Variants in RIMS2 observed in about 807,000 individuals in gnomAD.
RIMS2 encodes regulating synaptic membrane exocytosis 2.
RIMS2 carries 59 observed loss-of-function variants against 174.4 expected under a neutral mutation model. The observed-to-expected ratio is 0.34, with a 90% CI of 0.27 to 0.42. The LOEUF (loss-of-function observed/expected upper bound fraction) is 0.42, where lower values mean the gene tolerates loss of function less well. Among genes scored for constraint, RIMS2 ranks in the 10% least tolerant of loss-of-function variants. RIMS2 has a pLI of 1.00. For synonymous variants in RIMS2, 606 were observed against 572.5 expected, an observed-to-expected ratio of 1.06 and a Z score of -0.84; for missense variants, 1,620 against 1,666.3, an observed-to-expected ratio of 0.97 and a Z score of 0.48.
At chr8:103,629,496 A>C (rs2095862539) in intron 1 of RIMS2, among the ~76,000 whole-genome samples, 1 of 152,214 alleles carries the variant, frequency 6.6e-6, no homozygotes, top group Non-Finnish European at 1.5e-5. Context: ...AGCCCACAAA[A>C]ATAAGCTAAG....
intron 1 of RIMS2, among the ~76,000 whole-genome samples, chr8:103,610,067 C>G (rs2095313176): frequency 6.6e-6 from 1 of 151,982 alleles, no homozygotes; most frequent in Non-Finnish European, 1.5e-5. Context: ...AGCTGTATTC[C>G]TAGGCATTTT....
intron 1 of RIMS2, among the ~76,000 whole-genome samples, chr8:103,693,312 G>A (rs2097055949): frequency 6.6e-6 from 1 of 152,142 alleles, no homozygotes; most frequent in African/African-American, 2.4e-5. Context: ...CCTCTTCAGT[G>A]CCTCTTTTTT....
At chr8:103,719,587 A>T (rs2097420139) in intron 2 of RIMS2, among the ~76,000 whole-genome samples, 1 of 152,202 alleles carries the variant, frequency 6.6e-6, no homozygotes, top group Non-Finnish European at 1.5e-5. Context: ...AATTACTATG[A>T]ACATGTTGGT....
chr8:103,793,610 G>T (rs2098522000), intron 3 of RIMS2, among the ~76,000 whole-genome samples: 1 of 152,108 alleles, frequency 6.6e-6, no homozygotes, highest in Non-Finnish European at 1.5e-5. Flanking sequence ...GAAATAAAGG[G>T]TATTCAATTA....
At chr8:103,961,914 T>G (rs1247080751) in intron 15 of RIMS2, among the ~76,000 whole-genome samples, 1 of 152,166 alleles carries the variant, frequency 6.6e-6, no homozygotes, top group Non-Finnish European at 1.5e-5. Flanking sequence ...ACTCAATGAT[T>G]ATTTTTTCCC....
intron 3 of RIMS2, among the ~76,000 whole-genome samples, chr8:103,844,009 T>C (rs546984235): frequency 6.6e-6 from 1 of 152,308 alleles, no homozygotes; most frequent in East Asian, 1.9e-4. Context: ...TCACGAGATC[T>C]GGTGATTTTA....
At chr8:103,951,185 ACT>A (rs918678740) in intron 14 of RIMS2, among the ~76,000 whole-genome samples, 17 of 152,162 alleles carry the variant, frequency 1.1e-4, no homozygotes, top group African/African-American at 3.9e-4. Context: ...CATGTTTAAA[ACT>A]CTCAATAAAC....
intron 19 of RIMS2, among the ~76,000 whole-genome samples, chr8:104,125,500 G>T (rs2098421066): frequency 6.6e-6 from 1 of 152,138 alleles, no homozygotes; most frequent in East Asian, 1.9e-4. Flanking sequence ...TGTCATCATT[G>T]TTACTATTCA....
rs192391716 is a variant in RIMS2 at position 103,904,228 on chromosome 8, A to G, written c.1625-5906A>G. Among the ~76,000 whole-genome samples, 12 of 152,206 alleles carry G rather than the reference A, an allele frequency of 7.9e-5. No homozygotes were observed. In the East Asian group the frequency reaches 1.9e-3, roughly 25 times the overall value. On this transcript the variant is annotated intron_variant, in intron 4 of 23. Coordinates refer to ENST00000504942, the Ensembl canonical transcript of RIMS2. ...GACATTTTGAGTTTTTTTCCAATTC[A>G]TATAATGCCCTTGAGGTCTATCCAT...
intron 3 of RIMS2, among the ~76,000 whole-genome samples, chr8:103,853,421 G>T (rs765719723): frequency 6.6e-6 from 1 of 151,910 alleles, no homozygotes; most frequent in Non-Finnish European, 1.5e-5. Context: ...TGTTTCCATT[G>T]CAATTGCTCT....
At chr8:104,233,795 G>A (rs1368522287) in intron 19 of RIMS2, among the ~76,000 whole-genome samples, 1 of 152,194 alleles carries the variant, frequency 6.6e-6, no homozygotes, top group East Asian at 1.9e-4. Context: ...TTTCAAGTGT[G>A]AGTCTCTTCA....
chr8:103,552,175 G>A (rs1350496751), intron 1 of RIMS2, among the ~76,000 whole-genome samples: 1 of 152,106 alleles, frequency 6.6e-6, no homozygotes, highest in Non-Finnish European at 1.5e-5. Flanking sequence ...CAAAGCTGGA[G>A]GCATCATGCT....
chr8:104,141,681 A>G (rs1312159655), intron 19 of RIMS2, among the ~76,000 whole-genome samples: 1 of 152,184 alleles, frequency 6.6e-6, no homozygotes. Flanking sequence ...CCTTCACTTC[A>G]TTCCATTTAT....
chr8:103,956,032 A>G (rs1443046852), intron 14 of RIMS2, among the ~76,000 whole-genome samples: 1 of 152,204 alleles, frequency 6.6e-6, no homozygotes, highest in Non-Finnish European at 1.5e-5. Flanking sequence ...ATACGTAGGA[A>G]TCCAACTTAC....
chr8:103,618,661 C>A (rs2095560780), intron 1 of RIMS2, among the ~76,000 whole-genome samples: 1 of 152,096 alleles, frequency 6.6e-6, no homozygotes. Flanking sequence ...AAAGTATTCC[C>A]TGACTACATG....
intron 3 of RIMS2, among the ~76,000 whole-genome samples, chr8:103,781,535 A>G (rs933267455): frequency 4.6e-5 from 7 of 152,108 alleles, no homozygotes; most frequent in African/African-American, 1.2e-4. Context: ...TGCTATAGAG[A>G]TGGCTTTGAT....
chr8:103,755,840 G>A (rs960168541), intron 2 of RIMS2, among the ~76,000 whole-genome samples: 2 of 151,932 alleles, frequency 1.3e-5, no homozygotes, highest in Non-Finnish European at 2.9e-5. Context: ...CTTTTTTCAA[G>A]GTTCTTATCT....
chr8:103,652,406 C>T (rs2096467248), intron 1 of RIMS2, among the ~76,000 whole-genome samples, 169 bp downstream of exon 2: 1 of 152,180 alleles, frequency 6.6e-6, no homozygotes, highest in South Asian at 2.1e-4. Context: ...ACATCACCCA[C>T]ATAGTGACTG....
chr8:104,239,690 A>G lies in RIMS2; in HGVS notation c.3335-5226A>G, dbSNP rs1032162510. On this transcript the variant is annotated intron_variant, in intron 19 of 23. Coordinates refer to ENST00000504942, the Ensembl canonical transcript of RIMS2. The stretch of plus-strand genomic sequence containing the variant: ...ATAAGTCTCCTCATGTAAAAAACTT[A>G]TCTACAAAGGACTCAGAACTTACTG... 7.9e-5 allele frequency among the ~76,000 whole-genome samples: 12 copies of G among 152,224 alleles called. 1 individual carries two copies. The highest frequency in any genetic ancestry group is 2.1e-4 in the South Asian group (1 of 4,838).
Sources: gnomAD v4.1 joint callset for allele counts (sites outside exome capture counted in the v4.1 genomes callset) on GRCh38, gnomAD v4.1.1 for gene constraint, MANE v1.5 for transcripts, NCBI Gene and HGNC (gene_info 2026-07-23, HGNC 2026-07-21) for gene names.